Variants in IGF2BP2 observed in about 807,000 individuals in gnomAD.
The protein encoded by IGF2BP2 is insulin like growth factor 2 mRNA binding protein 2, also known as insulin-like growth factor 2 mRNA-binding protein 2.
In IGF2BP2, 17 loss-of-function variants were observed where a neutral mutation model predicts 75.8. That is an observed-to-expected ratio of 0.22 (90% CI 0.15 to 0.34). The LOEUF is 0.34. Ranked by LOEUF, IGF2BP2 falls within the 10% of genes least tolerant of loss-of-function variation. IGF2BP2 has a pLI of 1.00. For missense variants in IGF2BP2, 516 were observed against 772.4 expected (o/e 0.67, Z 3.93); for synonymous variants, 288 against 295.6 (o/e 0.97, Z 0.26).
chr3:185,731,246 C>CTTTTTTTTTTTTTTTTTTT (rs760172663), intron 2 of IGF2BP2, among the ~76,000 whole-genome samples: 1 of 129,244 alleles, frequency 7.7e-6, no homozygotes, highest in African/African-American at 2.9e-5. Flanking sequence ...GCATCACTTT[C>CTTTTTTTTTTTTTTTTTTT]TTTTTTTTTT....
chr3:185,808,108 C>T (rs1408040982), intron 2 of IGF2BP2, among the ~76,000 whole-genome samples: 6 of 141,282 alleles, frequency 4.2e-5, no homozygotes, highest in Middle Eastern at 3.6e-3. Flanking sequence ...GCCAAGACCT[C>T]GTTTCTTTTA....
rs1713929822 is a variant in IGF2BP2, at chr3:185,648,191, T to G, written c.1594-1053A>C. 2.0e-5 allele frequency among the ~76,000 whole-genome samples: 3 copies of G among 152,234 alleles called. No homozygotes were observed. The South Asian group carries it at 6.2e-4, about 31-fold the overall frequency. ...CTTTACAACAGCTGGGTGTGGTGGC[T>G]CACGCCTGTAATCCCAGCACTTTGG... On this transcript the variant is annotated intron_variant, in intron 14 of 15. Coordinates refer to ENST00000382199, the MANE Select transcript of IGF2BP2 (RefSeq NM_006548.6).
At chr3:185,794,250 GCCA>G (rs1408318746) in intron 2 of IGF2BP2, among the ~76,000 whole-genome samples, 1 of 151,616 alleles carries the variant, frequency 6.6e-6, no homozygotes, top group Non-Finnish European at 1.5e-5. Flanking sequence ...ACAGGTGTGA[GCCA>G]CCACACCTGG....
intron 7 of IGF2BP2, among the ~76,000 whole-genome samples, chr3:185,680,508 A>G (rs1168834353): frequency 6.6e-6 from 1 of 152,244 alleles, no homozygotes; most frequent in Non-Finnish European, 1.5e-5. Flanking sequence ...CAAAAAAAGA[A>G]AACTTCAGAC....
At chr3:185,820,582 A>G (rs1741251165) in intron 2 of IGF2BP2, among the ~76,000 whole-genome samples, 1 of 152,210 alleles carries the variant, frequency 6.6e-6, no homozygotes, top group South Asian at 2.1e-4. Flanking sequence ...AGTGACCCTG[A>G]GAAAATAATG....
chr3:185,663,868 G>A (rs181237241), intron 10 of IGF2BP2, among the ~76,000 whole-genome samples: 1 of 152,270 alleles, frequency 6.6e-6, no homozygotes, highest in Admixed American at 6.5e-5. Context: ...ATGATGAATG[G>A]TCTTTCTAAT....
At chr3:185,821,406 A>T (rs966646852) in intron 2 of IGF2BP2, among the ~76,000 whole-genome samples, 3 of 152,218 alleles carry the variant, frequency 2.0e-5, no homozygotes, top group African/African-American at 7.2e-5. Context: ...AAAACTGGGG[A>T]CATGCCTTCA....
intron 7 of IGF2BP2, among the ~76,000 whole-genome samples, chr3:185,684,050 T>C (rs532467652): frequency 6.6e-6 from 1 of 152,294 alleles, no homozygotes; most frequent in East Asian, 1.9e-4. Flanking sequence ...AACAGATGCA[T>C]TACTACTGCC....
chr3:185,802,989 T>C lies in IGF2BP2; in HGVS notation c.239+20164A>G, dbSNP rs558625576. ...AGAGGTTACCCACAGCACTTCTTTT[T>C]AAACTAAAATGTATCTCAATTTTAT... On this transcript the variant is annotated intron_variant, in intron 2 of 15. Transcript: ENST00000382199. Among the ~76,000 whole-genome samples, 18 of 152,368 alleles carry C rather than the reference T, an allele frequency of 1.2e-4. No individual in the cohort carries two copies. In the South Asian group the frequency reaches 3.7e-3, roughly 32 times the overall value.
At chr3:185,677,505 G>A (rs764325432) in intron 7 of IGF2BP2, among the ~76,000 whole-genome samples, 17 of 152,076 alleles carry the variant, frequency 1.1e-4, no homozygotes, top group Non-Finnish European at 1.2e-4. Flanking sequence ...ACTGTGAGAG[G>A]TGGTTGTTTT....
chr3:185,665,320 A>G lies in IGF2BP2; in HGVS notation c.1201-6911T>C, dbSNP rs1170725580. On this transcript the variant is annotated intron_variant, in intron 10 of 15. Transcript: ENST00000382199. ...GGAGAAGGAGAAGGAGCAGAAGGAG[A>G]AGGAGGAGGAGGAGGAGGAGGAGAA... is the stretch of plus-strand genomic sequence containing the variant. 3.2e-3 allele frequency among the ~76,000 whole-genome samples: 161 copies of G among 50,086 alleles called. 1 individual carries two copies. Among genetic ancestry groups the G allele is most frequent in the African/African-American group, 6.7e-3 (79 of 11,878 alleles). 32.9% of individuals were successfully genotyped at this position (50,086 alleles called of 152,430 possible).
At chr3:185,791,854 T>C (rs973646187) in intron 2 of IGF2BP2, among the ~76,000 whole-genome samples, 12 of 152,188 alleles carry the variant, frequency 7.9e-5, no homozygotes, top group African/African-American at 2.7e-4. Context: ...AACCCCCACA[T>C]TCCTAATTCT....
intron 7 of IGF2BP2, among the ~76,000 whole-genome samples, chr3:185,676,756 GAT>G (rs3078305): frequency 0.43 from 54,776 of 127,900 alleles, 11,072 homozygotes; most frequent in Middle Eastern, 0.54. Context: ...ATTTACTGGA[GAT>G]ATATATATAT....
Position 185,647,553 on chromosome 3 carries a change from T to C in IGF2BP2, c.1594-415A>G, listed in dbSNP as rs1053789838. On this transcript the variant is annotated intron_variant, in intron 14 of 15. Transcript: ENST00000382199. This position sits in a 1 kb window ranked among gnomAD's most constrained non-coding sequence, Gnocchi z 4.9. ...CTGACCACGAGCCCAAACCTCCTCT[T>C]GGTTAACTTTCCCTGCGAATCAGCC... Among the ~76,000 whole-genome samples the C allele has an allele frequency of 6.6e-6, 1 of 152,064 alleles. No individual in the cohort carries two copies.
intron 2 of IGF2BP2, among the ~76,000 whole-genome samples, chr3:185,700,434 A>G (rs1477697628): frequency 6.6e-6 from 1 of 152,128 alleles, no homozygotes. Flanking sequence ...ATTGTGTATC[A>G]GGACGGAAAA....
At chr3:185,683,542 G>T (rs896913890) in intron 7 of IGF2BP2, among the ~76,000 whole-genome samples, 3 of 152,108 alleles carry the variant, frequency 2.0e-5, no homozygotes, top group Middle Eastern at 3.4e-3. Context: ...CCAAGTAGCT[G>T]GGACTACAGG....
chr3:185,765,728 A>G (rs1319485565), intron 2 of IGF2BP2, among the ~76,000 whole-genome samples: 1 of 152,214 alleles, frequency 6.6e-6, no homozygotes, highest in Non-Finnish European at 1.5e-5. Flanking sequence ...ATCTCCAGTG[A>G]CTGATGTCAA....
intron 2 of IGF2BP2, among the ~76,000 whole-genome samples, chr3:185,714,362 A>G (rs1231745642): frequency 1.3e-5 from 2 of 152,204 alleles, no homozygotes; most frequent in African/African-American, 4.8e-5. Context: ...GCTGCAATGA[A>G]TATCTATTCA....
At position 185,689,443 on chromosome 3, in the gene IGF2BP2, G is replaced by A. The variant is rs1721604136; in HGVS notation, c.589C>T (p.Arg197Trp). Reference sequence around the variant, plus strand: ...ACAAACTGGGTGGGGACCAGGATCCGCAGCGGGAAATCAATCTGTCTGGCC... The same window carrying A: ...ACAAACTGGGTGGGGACCAGGATCCACAGCGGGAAATCAATCTGTCTGGCC... ...SQARQIDFPL[R>W]ILVPTQFVGA... The change falls in exon 6 of 16, where the codon CGG (arginine) becomes TGG (tryptophan). Residue 197 changes from arginine to tryptophan, a missense_variant. This residue lies in a region of IGF2BP2 where 312 missense variants were observed against 474.5 expected (regional missense o/e 0.66). Transcript: ENST00000382199. 2 of 1,613,678 alleles carry A rather than the reference G, an allele frequency of 1.2e-6. No individual in the cohort carries two copies. Among genetic ancestry groups the A allele is most frequent in the Admixed American group, 1.7e-5 (1 of 59,996 alleles).
Sources: allele counts gnomAD v4.1 joint callset (sites outside exome capture counted in the v4.1 genomes callset), GRCh38; gene constraint gnomAD v4.1.1; regional missense constraint gnomAD v4.1.1; non-coding constraint Gnocchi (gnomAD v3.1); transcripts MANE v1.5; gene names NCBI Gene and HGNC (gene_info 2026-07-23, HGNC 2026-07-21).